Variants in APP observed in about 807,000 individuals in gnomAD.
APP encodes the protein amyloid-beta precursor protein.
Under a neutral mutation model 101.4 loss-of-function variants are expected in APP, and 31 were observed. That is an observed-to-expected ratio of 0.31 (90% CI 0.23 to 0.41). The LOEUF (loss-of-function observed/expected upper bound fraction) is 0.41. Among genes scored for constraint, APP ranks in the 10% least tolerant of loss-of-function variants. APP has a pLI of 1.00. For synonymous variants in APP, 366 were observed against 364.4 expected (o/e 1.00, Z -0.05); for missense variants, 839 against 1,003.7 (o/e 0.84, Z 2.22).
chr21:25,909,031 A>C (rs954832109), intron 14 of APP, among the ~76,000 whole-genome samples: 3 of 152,132 alleles, frequency 2.0e-5, no homozygotes, highest in Non-Finnish European at 4.4e-5. Flanking sequence ...TGGGAGGCTG[A>C]GGCGGGCGGA....
rs1383929836 is a variant in APP, at chr21:25,911,760, T to C, written c.1890A>G (p.Pro630=). The change falls in exon 14 of 18, where the codon CCA becomes CCG. Residue 630 remains proline (P), a synonymous_variant. Coordinates refer to ENST00000346798, the MANE Select transcript of APP (RefSeq NM_000484.4). ...PWHSFGADSV[P]ANTENEVEPV... is the part of the protein sequence containing the mutation. Reference sequence around the variant, plus strand: ...TCTTACCTTCGTTTTCTGTGTTGGCTGGCACAGAGTCAGCCCCAAAAGAAT... The same window carrying C: ...TCTTACCTTCGTTTTCTGTGTTGGCCGGCACAGAGTCAGCCCCAAAAGAAT... 1.9e-6 allele frequency: 3 copies of C among 1,614,022 alleles called. No individual in the cohort carries two copies. The highest frequency in any genetic ancestry group is 2.5e-6 in the Non-Finnish European group (3 of 1,180,038).
At chr21:26,093,584 A>C (rs2061872810) in intron 2 of APP, among the ~76,000 whole-genome samples, 1 of 152,218 alleles carries the variant, frequency 6.6e-6, no homozygotes, top group Non-Finnish European at 1.5e-5. Context: ...GTAACTGATT[A>C]GGTTGACTAT....
chr21:26,052,769 G>T (rs777769918), intron 4 of APP, among the ~76,000 whole-genome samples: 1 of 151,994 alleles, frequency 6.6e-6, no homozygotes, highest in East Asian at 1.9e-4. Flanking sequence ...AGATAACAGG[G>T]GAAAAGGCTA....
At chr21:26,116,717 T>G (rs565386897) in intron 1 of APP, among the ~76,000 whole-genome samples, 11 of 152,328 alleles carry the variant, frequency 7.2e-5, no homozygotes, top group African/African-American at 2.4e-4. Flanking sequence ...CATAGCTTAG[T>G]TGCATCCGTG....
At chr21:26,140,195 T>A in intron 1 of APP, 2 of 1,536,142 alleles carry the variant, frequency 1.3e-6, no homozygotes, top group South Asian at 2.4e-5. Flanking sequence ...ATTGGTCCAT[T>A]TGAATCTGGG....
chr21:25,889,824 G>A (rs1336136665), intron 17 of APP, among the ~76,000 whole-genome samples: 1 of 152,026 alleles, frequency 6.6e-6, no homozygotes, highest in Non-Finnish European at 1.5e-5. Context: ...TCCAGCCTGG[G>A]TGAAAGAGCA....
chr21:26,055,057 T>A (rs2045986166), intron 3 of APP, among the ~76,000 whole-genome samples: 1 of 152,218 alleles, frequency 6.6e-6, no homozygotes, highest in South Asian at 2.1e-4. Context: ...AAGCACTGTA[T>A]CTTGTCATTC....
chr21:26,135,700 C>A (rs1034534158), intron 1 of APP, among the ~76,000 whole-genome samples: 1 of 152,186 alleles, frequency 6.6e-6, no homozygotes, highest in Non-Finnish European at 1.5e-5. Flanking sequence ...ACTGGAAGGG[C>A]ATGTGTCCTA....
chr21:26,017,917 C>A (rs2044173154), intron 6 of APP, among the ~76,000 whole-genome samples: 1 of 152,106 alleles, frequency 6.6e-6, no homozygotes, highest in Non-Finnish European at 1.5e-5. Flanking sequence ...CCCCCAAAAC[C>A]AGATAGATCT....
chr21:26,093,014 A>C (rs896976721), intron 2 of APP, among the ~76,000 whole-genome samples: 1 of 152,224 alleles, frequency 6.6e-6, no homozygotes, highest in African/African-American at 2.4e-5. Flanking sequence ...CCACTGCCAC[A>C]GTAACCTAGC....
chr21:25,983,596 T>G (rs2042521960), intron 8 of APP, among the ~76,000 whole-genome samples: 1 of 152,260 alleles, frequency 6.6e-6, no homozygotes. Flanking sequence ...AGATATTAAC[T>G]AAAACCGGAA....
chr21:26,031,191 C>T (rs1236363223), intron 5 of APP, among the ~76,000 whole-genome samples: 1 of 152,190 alleles, frequency 6.6e-6, no homozygotes, highest in Non-Finnish European at 1.5e-5. Flanking sequence ...TCTCCTTCCA[C>T]TGTGTCCATA....
intron 5 of APP, among the ~76,000 whole-genome samples, chr21:26,038,564 G>GAC (rs1184473653): frequency 1.3e-5 from 2 of 152,200 alleles, no homozygotes; most frequent in Non-Finnish European, 2.9e-5. Flanking sequence ...AGGAGTTCGA[G>GAC]ACCAGTCTGG....
intron 3 of APP, among the ~76,000 whole-genome samples, chr21:26,062,230 AACACACACACACAC>A (rs55971567): frequency 1.0e-4 from 15 of 145,036 alleles, no homozygotes; most frequent in Non-Finnish European, 2.0e-4. Context: ...CAAACAAACA[AACACACACACACAC>A]ACACACACAC....
At chr21:26,098,282 C>A (rs1486586485) in intron 2 of APP, among the ~76,000 whole-genome samples, 3 of 151,512 alleles carry the variant, frequency 2.0e-5, no homozygotes, top group African/African-American at 7.3e-5. Context: ...TGGTCACCAT[C>A]AGAATGTTTT....
intron 15 of APP, among the ~76,000 whole-genome samples, chr21:25,901,003 A>AAAAAAAAAAAAAAAAAAAC (rs1260628465): frequency 2.1e-5 from 3 of 146,092 alleles, no homozygotes; most frequent in African/African-American, 7.9e-5. Flanking sequence ...AAAAAAAAAA[A>AAAAAAAAAAAAAAAAAAAC]AGAATGAGCT....
intron 5 of APP, among the ~76,000 whole-genome samples, chr21:26,038,412 G>A (rs2045219480): frequency 6.6e-6 from 1 of 152,140 alleles, no homozygotes; most frequent in Non-Finnish European, 1.5e-5. Flanking sequence ...TGAGCCCCAA[G>A]GAGAGTCTTT....
At chr21:26,151,060 T>C (rs2063259150) in intron 1 of APP, among the ~76,000 whole-genome samples, 1 of 152,212 alleles carries the variant, frequency 6.6e-6, no homozygotes, top group Non-Finnish European at 1.5e-5. Flanking sequence ...CTAGGTTCTG[T>C]AACAGCAGCA....
intron 5 of APP, among the ~76,000 whole-genome samples, chr21:26,035,055 G>A (rs2242692): frequency 0.17 from 25,221 of 152,058 alleles, 2,407 homozygotes; most frequent in South Asian, 0.22. Context: ...GGAGACGGAG[G>A]TGGGAGGACT....
Sources: gnomAD v4.1 joint callset for allele counts (sites outside exome capture counted in the v4.1 genomes callset) on GRCh38, gnomAD v4.1.1 for gene constraint, MANE v1.5 for transcripts, NCBI Gene and HGNC (gene_info 2026-07-23, HGNC 2026-07-21) for gene names.